The following SCIN variants were observed in gnomAD, a reference collection of about 807,000 sequenced individuals.
SCIN encodes adseverin.
In SCIN, 91 loss-of-function variants were observed where a neutral mutation model predicts 91.8. That is an observed-to-expected ratio of 0.99 (90% CI 0.84 to 1.18). The LOEUF is 1.18. SCIN is among the 50% of genes most tolerant of loss of function. SCIN has a pLI of 0.00. For synonymous variants in SCIN, 367 were observed against 312.6 expected (o/e 1.17, Z -1.84); for missense variants, 1,087 against 863.9 (o/e 1.26, Z -3.24).
chr7:12,633,411 A>G (rs1783684599), intron 9 of SCIN, among the ~76,000 whole-genome samples: 1 of 152,224 alleles, frequency 6.6e-6, no homozygotes, highest in Admixed American at 6.5e-5. Context: ...TGTTCAGTAT[A>G]CAATTTCAGA....
At chr7:12,599,575 A>C (rs1583290122) in intron 3 of SCIN, among the ~76,000 whole-genome samples, 2 of 152,288 alleles carry the variant, frequency 1.3e-5, no homozygotes, top group East Asian at 3.9e-4. Flanking sequence ...ATCTACTTTT[A>C]GTTCATTAAG....
chr7:12,622,122 A>AAT (rs1275258156), intron 4 of SCIN, among the ~76,000 whole-genome samples: 8 of 152,092 alleles, frequency 5.3e-5, no homozygotes, highest in African/African-American at 1.9e-4. Flanking sequence ...TTTTTATTTT[A>AAT]ATATAAAGAA....
rs1419144520 is a variant in SCIN at position 12,626,692 on chromosome 7, A to G, written c.1090A>G (p.Lys364Glu). The G allele has an allele frequency of 1.9e-6, 3 of 1,589,340 alleles. No homozygotes were observed. Among genetic ancestry groups the G allele is most frequent in the East Asian group, 2.3e-5 (1 of 43,878 alleles). ...DGFGKVYVTE[K>E]VAQIKQIPFD... is the part of the protein sequence containing the mutation. Reference sequence around the variant, plus strand: ...CTTCGGGAAAGTTTATGTCACAGAGAAAGTGGCTCAAATAAAACAAATTCC... The same window carrying G: ...CTTCGGGAAAGTTTATGTCACAGAGGAAGTGGCTCAAATAAAACAAATTCC... Residue 364 changes from lysine (K) to glutamate (E), a missense_variant, in exon 8 of 16, where the codon AAA becomes GAA. Coordinates refer to ENST00000297029, the MANE Select transcript of SCIN (RefSeq NM_001112706.3).
intron 8 of SCIN, 50 bp downstream of exon 8, chr7:12,626,849 AGGGGGAGGGT>A: frequency 7.5e-7 from 1 of 1,331,274 alleles, no homozygotes; most frequent in Non-Finnish European, 1.1e-6. Context: ...CAGTGTATGT[AGGGGGAGGGT>A]GGGGGAGATC....
chr7:12,641,535 AG>A (rs1439811652), intron 11 of SCIN, among the ~76,000 whole-genome samples: 1 of 151,996 alleles, frequency 6.6e-6, no homozygotes, highest in Non-Finnish European at 1.5e-5. Flanking sequence ...TGATGACTTC[AG>A]CCATTATCTC....
chr7:12,613,782 A>G (rs1168607575), intron 4 of SCIN, among the ~76,000 whole-genome samples: 3 of 152,170 alleles, frequency 2.0e-5, no homozygotes, highest in Non-Finnish European at 4.4e-5. Context: ...CTTTAAAGTG[A>G]CTTTGTAAGG....
At position 12,644,680 on chromosome 7, in the gene SCIN, G is replaced by A; in HGVS notation, c.1856G>A (p.Cys619Tyr). 1.3e-6 allele frequency: 2 copies of A among 1,576,732 alleles called. No individual in the cohort carries two copies. Among genetic ancestry groups the A allele is most frequent in the Non-Finnish European group, 1.7e-6 (2 of 1,160,382 alleles). The change falls in exon 13 of 16, where the codon TGC becomes TAC. Residue 619 changes from cysteine (C) to tyrosine (Y), a missense_variant. By Grantham distance (194) the Cys-to-Tyr change is radical. Coordinates refer to ENST00000297029, the MANE Select transcript of SCIN (RefSeq NM_001112706.3). The part of the protein sequence containing the change: ...AEDHPPRLYG[C>Y]SNKTGRFVIE... ...GACCATCCACCTCGGCTTTACGGCT[G>A]CTCTAACAAAACTGGAAGATTTGTT...
chr7:12,632,739 G>A (rs548317705), intron 9 of SCIN, among the ~76,000 whole-genome samples: 3 of 152,242 alleles, frequency 2.0e-5, no homozygotes, highest in African/African-American at 4.8e-5. Context: ...AAGAAGACAG[G>A]TTTGGCCCAC....
chr7:12,597,243 A>G (rs777933479), intron 3 of SCIN, among the ~76,000 whole-genome samples: 3 of 152,242 alleles, frequency 2.0e-5, no homozygotes, highest in Non-Finnish European at 4.4e-5. Flanking sequence ...AACTATACTT[A>G]GAGAACCTCT....
chr7:12,620,815 G>A (rs368283472), intron 4 of SCIN, among the ~76,000 whole-genome samples: 1 of 152,000 alleles, frequency 6.6e-6, no homozygotes, highest in Non-Finnish European at 1.5e-5. Flanking sequence ...TTTAGATGAC[G>A]GCAATACTTT....
chr7:12,627,439 A>G (rs1296083367), intron 8 of SCIN, among the ~76,000 whole-genome samples: 2 of 152,126 alleles, frequency 1.3e-5, no homozygotes, highest in Non-Finnish European at 2.9e-5. Context: ...TACTTCTCAC[A>G]TAATTTATCA....
At chr7:12,648,193 A>T (rs898994945) in intron 13 of SCIN, among the ~76,000 whole-genome samples, 15 of 152,002 alleles carry the variant, frequency 9.9e-5, no homozygotes, top group African/African-American at 2.2e-4. Context: ...CATTAAAAAT[A>T]AAAAAAATTT....
At position 12,625,055 on chromosome 7, in the gene SCIN, G is replaced by C; in HGVS notation, c.805G>C (p.Glu269Gln). ...GSMRVTVVAE[E>Q]NPFSMAMLLS... ...CATGAGAGTGACTGTGGTGGCAGAA[G>C]AAAACCCCTTCTCAATGGCAATGCT... is the stretch of plus-strand genomic sequence containing the variant. Residue 269 changes from glutamate to glutamine, a missense_variant, in exon 6 of 16, where the codon GAA becomes CAA. Coordinates refer to ENST00000297029, the MANE Select transcript of SCIN (RefSeq NM_001112706.3). 1 of 1,586,788 alleles carries C rather than the reference G, an allele frequency of 6.3e-7. No individual in the cohort carries two copies. Among genetic ancestry groups the C allele is most frequent in the African/African-American group, 1.3e-5 (1 of 74,604 alleles).
At position 12,651,551 on chromosome 7, in the gene SCIN, T is replaced by G. The variant is rs1205348681; in HGVS notation, c.1960-290T>G. Among the ~76,000 whole-genome samples, 1 of 151,906 alleles carries G rather than the reference T, an allele frequency of 6.6e-6. No homozygotes were observed. Among genetic ancestry groups the G allele is most frequent in the African/African-American group, 2.4e-5 (1 of 41,382 alleles). Reference sequence around the variant, plus strand: ...AAAAAAGTCCACCCAGACAATCTGTTTTTTTTTGTGAAAGATCACTTTACA... The same window carrying G: ...AAAAAAGTCCACCCAGACAATCTGTGTTTTTTTGTGAAAGATCACTTTACA... On this transcript the variant is annotated intron_variant, in intron 14 of 15. Transcript: ENST00000297029. This position sits in a 1 kb window ranked among gnomAD's most constrained non-coding sequence, Gnocchi z 5.9.
Position 12,649,505 on chromosome 7 carries a change from A to C in SCIN, c.1920A>C (p.Leu640Phe). Residue 640 changes from leucine (L) to phenylalanine (F), a missense_variant, in exon 14 of 16, where the codon TTA (leucine) becomes TTC (phenylalanine). Leu to Phe is a conservative substitution (Grantham distance 22). Transcript: ENST00000297029. ...CAGGAGAGTTCACCCAGGATGATTTAGCTGAAGATGATGTCATGTTACTAG... is the reference window on the plus strand; with the variant it reads ...CAGGAGAGTTCACCCAGGATGATTTCGCTGAAGATGATGTCATGTTACTAG... ...EIPGEFTQDDLAEDDVMLLDA... is the reference protein window; with the variant it reads ...EIPGEFTQDDFAEDDVMLLDA... 2 of 1,603,630 alleles carry C rather than the reference A, an allele frequency of 1.2e-6. No homozygotes were observed. The highest frequency in any genetic ancestry group is 1.7e-6 in the Non-Finnish European group (2 of 1,174,566).
chr7:12,636,753 A>G (rs1229509152), intron 10 of SCIN, among the ~76,000 whole-genome samples: 1 of 152,196 alleles, frequency 6.6e-6, no homozygotes, highest in Non-Finnish European at 1.5e-5. Flanking sequence ...ACAATTACAT[A>G]TTATGTAGTT....
In SCIN at chr7:12,658,769, A is replaced by G. The variant is rs547255586; in HGVS notation, c.*6054A>G. 6.6e-6 allele frequency: 1 copy of G among 152,320 alleles called. No individual in the cohort carries two copies. The highest frequency in any genetic ancestry group is 1.9e-4 in the East Asian group (1 of 5,190). 9.4% of individuals were successfully genotyped at this position (152,320 alleles called of 1,614,324 possible). ...TAATATACATCCTATCATTTATTTT[A>G]GATACAGATAGCATTAGAGTTTATC... is the stretch of plus-strand genomic sequence containing the variant. On this transcript the variant is annotated 3_prime_UTR_variant, in exon 16 of 16. Coordinates refer to ENST00000297029, the MANE Select transcript of SCIN (RefSeq NM_001112706.3).
intron 8 of SCIN, 119 bp from the exon 9 acceptor site, chr7:12,628,982 A>T: frequency 1.2e-6 from 1 of 839,496 alleles, no homozygotes; most frequent in Non-Finnish European, 1.8e-6. Flanking sequence ...TAAACTAGTT[A>T]ATAAATAATT....
chr7:12,648,411 A>C (rs1360225937), intron 13 of SCIN, among the ~76,000 whole-genome samples: 1 of 150,460 alleles, frequency 6.6e-6, no homozygotes, highest in African/African-American at 2.4e-5. Context: ...ATTCTCCTAC[A>C]TCAGCCTCCC....
Sources: gnomAD v4.1 joint callset for allele counts (sites outside exome capture counted in the v4.1 genomes callset) on GRCh38, gnomAD v4.1.1 for gene constraint, Gnocchi (gnomAD v3.1) non-coding constraint, MANE v1.5 for transcripts, NCBI Gene and HGNC (gene_info 2026-07-23, HGNC 2026-07-21) for gene names.